Variants in GRM8 observed in about 807,000 individuals in gnomAD.
GRM8 encodes the protein metabotropic glutamate receptor 8.
A neutral mutation model predicts 87.2 loss-of-function variants in GRM8; 47 were observed. That is an observed-to-expected ratio of 0.54 (90% CI 0.43 to 0.69). GRM8 has a LOEUF of 0.69. Among genes scored for constraint, GRM8 ranks in the 30% least tolerant of loss-of-function variants. GRM8 has a pLI of 0.00. For synonymous variants in GRM8, 396 were observed against 404.5 expected (o/e 0.98, Z 0.25); for missense variants, 1,019 against 1,139.2 (o/e 0.89, Z 1.52).
intron 3 of GRM8, among the ~76,000 whole-genome samples, chr7:127,005,938 T>A (rs1437099467): frequency 6.6e-6 from 1 of 151,824 alleles, no homozygotes; most frequent in Non-Finnish European, 1.5e-5. Context: ...CCACCCAGCA[T>A]CCTTCTATGT....
intron 9 of GRM8, among the ~76,000 whole-genome samples, chr7:126,516,340 A>T (rs181910920): frequency 1.5e-3 from 221 of 152,160 alleles, no homozygotes; most frequent in Non-Finnish European, 1.2e-3. Context: ...ATCCTAGGAA[A>T]CCCTGAACAT....
At chr7:126,652,655 C>A (rs779531676) in intron 7 of GRM8, among the ~76,000 whole-genome samples, 1 of 152,198 alleles carries the variant, frequency 6.6e-6, no homozygotes, top group Admixed American at 6.5e-5. Context: ...TGGATGCTTC[C>A]TGCCCTCGAA....
At chr7:127,125,052 T>C (rs1827286804) in intron 2 of GRM8, among the ~76,000 whole-genome samples, 1 of 152,060 alleles carries the variant, frequency 6.6e-6, no homozygotes, top group African/African-American at 2.4e-5. Flanking sequence ...AAATCATACC[T>C]AGTGGTGAAA....
At chr7:127,152,864 T>C (rs1381071857) in intron 2 of GRM8, among the ~76,000 whole-genome samples, 2 of 152,126 alleles carry the variant, frequency 1.3e-5, no homozygotes, top group Non-Finnish European at 2.9e-5. Context: ...CTGTTATATA[T>C]TACTTATGTT....
chr7:126,826,182 C>G (rs1444156687), intron 6 of GRM8, among the ~76,000 whole-genome samples: 1 of 152,052 alleles, frequency 6.6e-6, no homozygotes, highest in Non-Finnish European at 1.5e-5. Context: ...AATAAACATA[C>G]GTGTGCATGT....
rs142303381 is a variant in GRM8 at position 126,454,278 on chromosome 7, C to T, written c.2431-7906G>A. 1.5e-3 allele frequency among the ~76,000 whole-genome samples: 229 copies of T among 151,692 alleles called. 2 individuals carry two copies. In the East Asian group the frequency reaches 0.025, roughly 17 times the overall value. ...TCCTATATTTATCACTGCCTAGAGA[C>T]GGAAGCCTTGCTAGAATTTAAATTT... On this transcript the variant is annotated intron_variant, in intron 9 of 10. Transcript: ENST00000339582.
intron 3 of GRM8, among the ~76,000 whole-genome samples, chr7:127,081,384 A>G (rs1353019400): frequency 6.6e-6 from 1 of 152,250 alleles, no homozygotes; most frequent in Admixed American, 6.5e-5. Flanking sequence ...TATTGGCTTC[A>G]TGGAGCCACA....
chr7:126,850,059 T>C (rs1437043490), intron 6 of GRM8, among the ~76,000 whole-genome samples: 1 of 152,214 alleles, frequency 6.6e-6, no homozygotes, highest in African/African-American at 2.4e-5. Flanking sequence ...AAGAGTTGTC[T>C]ATGCATGCCG....
At chr7:126,845,366 A>T (rs899057891) in intron 6 of GRM8, among the ~76,000 whole-genome samples, 1 of 152,192 alleles carries the variant, frequency 6.6e-6, no homozygotes, top group African/African-American at 2.4e-5. Flanking sequence ...ATATGCTTCT[A>T]TGAGCAGCTC....
chr7:127,166,126 A>C (rs1793438059), intron 2 of GRM8, among the ~76,000 whole-genome samples: 1 of 152,188 alleles, frequency 6.6e-6, no homozygotes, highest in African/African-American at 2.4e-5. Flanking sequence ...TAATGGAATG[A>C]TTTTAAAACA....
intron 5 of GRM8, among the ~76,000 whole-genome samples, chr7:126,902,956 C>T (rs1802248389): frequency 1.3e-5 from 2 of 152,114 alleles, no homozygotes; most frequent in African/African-American, 4.8e-5. Context: ...CCTTCTTAAA[C>T]CCTCTCCTAC....
At chr7:127,012,664 C>A (rs916444804) in intron 3 of GRM8, among the ~76,000 whole-genome samples, 1 of 151,904 alleles carries the variant, frequency 6.6e-6, no homozygotes, top group East Asian at 1.9e-4. Context: ...CTTAATGGTG[C>A]CATCATATAG....
intron 9 of GRM8, among the ~76,000 whole-genome samples, chr7:126,473,678 A>G (rs1805567761): frequency 6.6e-6 from 1 of 152,136 alleles, no homozygotes. Context: ...AGCTTGGAAT[A>G]ATATGCTTAG....
intron 9 of GRM8, among the ~76,000 whole-genome samples, chr7:126,456,545 A>AAC (rs1803264308): frequency 6.8e-6 from 1 of 147,926 alleles, no homozygotes; most frequent in Non-Finnish European, 1.5e-5. Context: ...AAAAAAAAAA[A>AAC]ATCAAACATA....
chr7:126,977,428 G>C (rs1811104851), intron 3 of GRM8, among the ~76,000 whole-genome samples: 1 of 152,100 alleles, frequency 6.6e-6, no homozygotes, highest in Non-Finnish European at 1.5e-5. Flanking sequence ...AGAATCAAAG[G>C]GTACTGCTTG....
intron 7 of GRM8, among the ~76,000 whole-genome samples, chr7:126,768,003 C>T (rs1017771247): frequency 7.2e-5 from 11 of 151,968 alleles, no homozygotes; most frequent in African/African-American, 2.4e-4. Flanking sequence ...TTGTTGCTTT[C>T]GAGATGAAGA....
intron 7 of GRM8, among the ~76,000 whole-genome samples, chr7:126,632,050 G>T (rs754254276): frequency 2.0e-5 from 3 of 152,116 alleles, no homozygotes; most frequent in Non-Finnish European, 4.4e-5. Flanking sequence ...TTATACTAAA[G>T]AGCTTCTGCA....
At chr7:126,839,406 T>G (rs536731929) in intron 6 of GRM8, among the ~76,000 whole-genome samples, 1 of 152,236 alleles carries the variant, frequency 6.6e-6, no homozygotes, top group East Asian at 1.9e-4. Flanking sequence ...AAGCAGTGCT[T>G]TGGGTAAATG....
At chr7:126,829,329 G>A (rs1795125060) in intron 6 of GRM8, among the ~76,000 whole-genome samples, 1 of 136,096 alleles carries the variant, frequency 7.3e-6, no homozygotes, top group Non-Finnish European at 1.6e-5. Flanking sequence ...ATTATTGTGT[G>A]GGAGTCTAAG....
Sources: allele counts gnomAD v4.1 joint callset (sites outside exome capture counted in the v4.1 genomes callset), GRCh38; gene constraint gnomAD v4.1.1; transcripts MANE v1.5; gene names NCBI Gene and HGNC (gene_info 2026-07-23, HGNC 2026-07-21).